Variants in ALLC observed in about 807,000 individuals in gnomAD.
The protein encoded by ALLC is probable inactive allantoicase.
Under a neutral mutation model 45.0 loss-of-function variants are expected in ALLC, and 40 were observed. The ratio of observed to expected loss-of-function variants is 0.89; its 90% CI spans 0.69 to 1.16. ALLC has a LOEUF of 1.16. Ranked by LOEUF, ALLC falls within the 50% of genes most tolerant of loss-of-function variation. The pLI is 0.00. For synonymous variants in ALLC, 176 were observed against 178.1 expected (o/e 0.99, Z 0.09); for missense variants, 488 against 493.1 (o/e 0.99, Z 0.10).
intron 10 of ALLC, among the ~76,000 whole-genome samples, chr2:3,699,441 T>G (rs969337192): frequency 6.6e-6 from 1 of 152,234 alleles, no homozygotes; most frequent in African/African-American, 2.4e-5. Flanking sequence ...TCTTTGCTAT[T>G]GTGAACAGTG....
At chr2:3,695,565 G>T in intron 7 of ALLC, 152 bp from the exon 8 acceptor site, 1 of 752,682 alleles carries the variant, frequency 1.3e-6, no homozygotes, top group Non-Finnish European at 2.2e-6. Flanking sequence ...AAAGGCCCTG[G>T]GGCAGTGGGC....
At chr2:3,691,470 C>G (rs1320964578) in intron 7 of ALLC, among the ~76,000 whole-genome samples, 1 of 151,898 alleles carries the variant, frequency 6.6e-6, no homozygotes, top group Non-Finnish European at 1.5e-5. Context: ...ACCATGTTGC[C>G]CAGGCTGGTC....
At chr2:3,665,069 C>T (rs773239413) in intron 1 of ALLC, among the ~76,000 whole-genome samples, 9 of 151,966 alleles carry the variant, frequency 5.9e-5, no homozygotes, top group African/African-American at 1.4e-4. Context: ...GTGGGTTCAC[C>T]TAGTTTGAAT....
chr2:3,669,484 C>T (rs1000718792), intron 1 of ALLC, among the ~76,000 whole-genome samples: 4 of 143,908 alleles, frequency 2.8e-5, no homozygotes, highest in African/African-American at 1.0e-4. Flanking sequence ...AAAAAAAACC[C>T]TCCCAAAACA....
intron 7 of ALLC, among the ~76,000 whole-genome samples, chr2:3,683,311 G>A (rs1667247983): frequency 6.6e-6 from 1 of 152,102 alleles, no homozygotes; most frequent in Non-Finnish European, 1.5e-5. Context: ...AGTTGTATTA[G>A]GTTAGATAGA....
chr2:3,699,272 G>C (rs560633726), intron 10 of ALLC, among the ~76,000 whole-genome samples: 1 of 152,254 alleles, frequency 6.6e-6, no homozygotes, highest in Admixed American at 6.5e-5. Context: ...TTCTGTTCCT[G>C]CGTTAGTTTG....
At chr2:3,671,328 G>A (rs548784635) in intron 2 of ALLC, 138 bp downstream of exon 2, 15 of 936,360 alleles carry the variant, frequency 1.6e-5, no homozygotes, top group South Asian at 6.2e-5. Flanking sequence ...ACCCGTTAGC[G>A]AGAAAGACTT....
chr2:3,668,286 G>A (rs1400465950), intron 1 of ALLC, among the ~76,000 whole-genome samples: 1 of 152,076 alleles, frequency 6.6e-6, no homozygotes, highest in Non-Finnish European at 1.5e-5. Flanking sequence ...CCTGGCAAAG[G>A]GAACCACCTT....
chr2:3,670,959 A>G lies in ALLC; in HGVS notation c.-62-137A>G, dbSNP rs573131939. On this transcript the variant is annotated intron_variant, in intron 1 of 11. Coordinates refer to ENST00000252505, the MANE Select transcript of ALLC (RefSeq NM_018436.4). ...CCTCATTGAGCAGAGGGCACCTGTC[A>G]GGTACAGTTGACAGTACATCCAGTT... 2.3e-5 allele frequency: 14 copies of G among 600,784 alleles called. No individual in the cohort carries two copies. In the East Asian group the frequency reaches 2.5e-4, roughly 11 times the overall value. 37.2% of individuals were successfully genotyped at this position (600,784 alleles called of 1,614,324 possible).
chr2:3,664,788 G>C (rs1429681181), intron 1 of ALLC, among the ~76,000 whole-genome samples: 1 of 151,894 alleles, frequency 6.6e-6, no homozygotes, highest in Non-Finnish European at 1.5e-5. Context: ...AGAGGCTGAG[G>C]TGGGAAGATC....
chr2:3,651,416 T>A, the ALLC span, among the ~76,000 whole-genome samples: 9 of 52,880 alleles, frequency 1.7e-4, 1 homozygote, highest in South Asian at 9.8e-4. Flanking sequence ...TGTGTGTGTG[T>A]GTGTGTGTGT....
intron 1 of ALLC, among the ~76,000 whole-genome samples, chr2:3,662,824 G>C (rs1367692407): frequency 6.6e-6 from 1 of 152,202 alleles, no homozygotes; most frequent in Non-Finnish European, 1.5e-5. Context: ...GAACACAGGT[G>C]CCTTCATTCA....
chr2:3,675,131 C>T (rs1472748671), intron 3 of ALLC, among the ~76,000 whole-genome samples: 2 of 152,188 alleles, frequency 1.3e-5, no homozygotes, highest in African/African-American at 2.4e-5. Flanking sequence ...GTGGCTCACA[C>T]CTGTAATCCC....
At chr2:3,654,192 C>A (rs900974827), upstream of ALLC, among the ~76,000 whole-genome samples, 5 of 152,216 alleles carry the variant, frequency 3.3e-5, no homozygotes, top group Non-Finnish European at 7.3e-5. Context: ...GCTGCATGAC[C>A]CTATGACAAG....
intron 10 of ALLC, among the ~76,000 whole-genome samples, chr2:3,699,940 G>A (rs181858135): frequency 3.3e-5 from 5 of 152,256 alleles, no homozygotes; most frequent in Admixed American, 2.0e-4. Context: ...CTCCCATTCC[G>A]TAGGTTGTCT....
At chr2:3,649,363 T>C in the ALLC span, among the ~76,000 whole-genome samples, 1 of 151,570 alleles carries the variant, frequency 6.6e-6, no homozygotes, top group South Asian at 2.1e-4. Flanking sequence ...TGCCTCAGCC[T>C]CCTGAGCAGC....
At chr2:3,695,652 C>G in intron 7 of ALLC, 65 bp from the exon 8 acceptor site, 1 of 1,582,924 alleles carries the variant, frequency 6.3e-7, no homozygotes, top group Non-Finnish European at 8.7e-7. Flanking sequence ...CAGGAGGGTC[C>G]TGTAGTGTAT....
the ALLC span, among the ~76,000 whole-genome samples, chr2:3,651,574 C>T: frequency 6.6e-6 from 1 of 151,888 alleles, no homozygotes; most frequent in Non-Finnish European, 1.5e-5. Context: ...TCAGTGGCAC[C>T]CACGTTGTGT....
At chr2:3,669,072 C>T (rs1409856113) in intron 1 of ALLC, among the ~76,000 whole-genome samples, 1 of 152,076 alleles carries the variant, frequency 6.6e-6, no homozygotes, top group Non-Finnish European at 1.5e-5. Context: ...CACAGTGGCT[C>T]ACACATGTAA....
Sources: allele counts gnomAD v4.1 joint callset (sites outside exome capture counted in the v4.1 genomes callset), GRCh38; gene constraint gnomAD v4.1.1; transcripts MANE v1.5; gene names NCBI Gene and HGNC (gene_info 2026-07-23, HGNC 2026-07-21).